PKIB: variants seen among roughly 807,000 people sequenced by gnomAD.
PKIB encodes the protein PKI-beta.
Under a neutral mutation model 4.5 loss-of-function variants are expected in PKIB, and 2 were observed. The observed-to-expected ratio is 0.44, with a 90% CI of 0.18 to 1.39. The LOEUF is 1.39. PKIB is among the 40% of genes most tolerant of loss of function. The probability of loss-of-function intolerance (pLI) is 0.27; values close to 1 mark genes in which losing one functional copy is unlikely to be tolerated. For synonymous variants in PKIB, 38 were observed against 36.0 expected, an observed-to-expected ratio of 1.06 and a Z score of -0.20; for missense variants, 94 against 92.6, an observed-to-expected ratio of 1.02 and a Z score of -0.06.
At chr6:122,633,492 C>T (rs191524324) in intron 2 of PKIB, 125 bp downstream of exon 2, 84 of 152,212 alleles carry the variant, frequency 5.5e-4, no homozygotes, top group Non-Finnish European at 9.1e-4. Flanking sequence ...GGGATATCTT[C>T]ATTTTAGAAA....
rs537637099 is a variant in PKIB, at chr6:122,725,789, T to C, written c.*594T>C. Reference sequence around the variant, plus strand: ...ATTTTTGTCTGACATATTTTGCTTCTAGTATGTGCCTACTGTGATTTTTTT... The same window carrying C: ...ATTTTTGTCTGACATATTTTGCTTCCAGTATGTGCCTACTGTGATTTTTTT... On this transcript the variant is annotated 3_prime_UTR_variant, in exon 5 of 5. Coordinates refer to ENST00000368452, the MANE Select transcript of PKIB (RefSeq NM_181795.3). The C allele has an allele frequency of 1.4e-5, 2 of 147,044 alleles. No homozygotes were observed. Among genetic ancestry groups the C allele is most frequent in the Admixed American group, 7.0e-5 (1 of 14,342 alleles). 9.1% of individuals were successfully genotyped at this position (147,044 alleles called of 1,614,324 possible).
upstream of PKIB, among the ~76,000 whole-genome samples, chr6:122,605,507 T>A (rs1159204349): frequency 6.6e-6 from 1 of 152,204 alleles, no homozygotes; most frequent in African/African-American, 2.4e-5. Flanking sequence ...AAGGTACGGC[T>A]TGAGAAACTA....
intron 2 of PKIB, among the ~76,000 whole-genome samples, chr6:122,497,834 C>G (rs1270839287): frequency 6.6e-6 from 1 of 152,108 alleles, no homozygotes; most frequent in East Asian, 1.9e-4. Flanking sequence ...AAAGTCTGGG[C>G]TTAAATTCAA....
chr6:122,698,655 C>T (rs966502779), intron 3 of PKIB, among the ~76,000 whole-genome samples: 3 of 152,314 alleles, frequency 2.0e-5, no homozygotes, highest in East Asian at 1.9e-4. Flanking sequence ...TCTGAGGGCA[C>T]TAACTGGAGT....
chr6:122,477,697 C>T (rs1439294807), intron 1 of PKIB, among the ~76,000 whole-genome samples: 1 of 152,120 alleles, frequency 6.6e-6, no homozygotes, highest in Non-Finnish European at 1.5e-5. Flanking sequence ...TGATCTCAAG[C>T]GACTTCAGAC....
chr6:122,664,557 G>T lies in PKIB; in HGVS notation c.-75-10521G>T, dbSNP rs1390439515. Among the ~76,000 whole-genome samples, 58 of 152,024 alleles carry T rather than the reference G, an allele frequency of 3.8e-4. 1 individual carries two copies. Among genetic ancestry groups the T allele is most frequent in the Admixed American group, 3.8e-3 (58 of 15,266 alleles). On this transcript the variant is annotated intron_variant, in intron 2 of 4. Coordinates refer to ENST00000368452, the MANE Select transcript of PKIB (RefSeq NM_181795.3). ...CTCCCAAGTAGCTGGGACTACAGGTGTGTGCCACCATGTCCAGCTAATTTT... is the reference window on the plus strand; with the variant it reads ...CTCCCAAGTAGCTGGGACTACAGGTTTGTGCCACCATGTCCAGCTAATTTT...
chr6:122,701,299 G>A (rs1385841224), intron 3 of PKIB: 6 of 651,988 alleles, frequency 9.2e-6, no homozygotes, highest in Non-Finnish European at 1.1e-5. Context: ...ACCATTACAA[G>A]CAATGTCTGT....
upstream of PKIB, among the ~76,000 whole-genome samples, chr6:122,607,748 A>C (rs975713510): frequency 6.6e-6 from 1 of 152,190 alleles, no homozygotes; most frequent in Non-Finnish European, 1.5e-5. Context: ...TTTGATATAG[A>C]CTGTTCATTG....
At chr6:122,719,339 A>AT (rs1244594540) in intron 4 of PKIB, among the ~76,000 whole-genome samples, 1 of 152,202 alleles carries the variant, frequency 6.6e-6, no homozygotes, top group African/African-American at 2.4e-5. Flanking sequence ...TCTTCATATC[A>AT]TTTTGAAATA....
intron 3 of PKIB, among the ~76,000 whole-genome samples, chr6:122,696,371 T>C (rs1180740574): frequency 6.6e-6 from 1 of 152,190 alleles, no homozygotes; most frequent in African/African-American, 2.4e-5. Context: ...TATTCAAGTC[T>C]CTGTGAAGGT....
chr6:122,669,861 T>C (rs1357058750), intron 2 of PKIB, among the ~76,000 whole-genome samples: 1 of 152,200 alleles, frequency 6.6e-6, no homozygotes, highest in Non-Finnish European at 1.5e-5. Context: ...ATTCTTTTTA[T>C]GTCCATATAT....
At chr6:122,489,951 G>A (rs748082683) in intron 2 of PKIB, among the ~76,000 whole-genome samples, 2 of 151,934 alleles carry the variant, frequency 1.3e-5, no homozygotes, top group Non-Finnish European at 2.9e-5. Flanking sequence ...TTATCACCAG[G>A]GATTCTTGTT....
chr6:122,651,203 T>C (rs1166553365), intron 2 of PKIB, among the ~76,000 whole-genome samples: 3 of 152,210 alleles, frequency 2.0e-5, no homozygotes, highest in African/African-American at 7.2e-5. Flanking sequence ...AAATGATTTA[T>C]GTGATTCAAG....
At chr6:122,519,746 A>G (rs141731398) in intron 2 of PKIB, among the ~76,000 whole-genome samples, 1 of 152,292 alleles carries the variant, frequency 6.6e-6, no homozygotes, top group Non-Finnish European at 1.5e-5. Flanking sequence ...GAATCTTTCT[A>G]TTAAAGACTC....
chr6:122,553,900 A>G (rs1256009161), intron 2 of PKIB, among the ~76,000 whole-genome samples: 1 of 152,220 alleles, frequency 6.6e-6, no homozygotes, highest in African/African-American at 2.4e-5. Context: ...AGCAGCTGTC[A>G]GGCCAGCTGG....
chr6:122,582,597 T>C (rs1004452530), intron 2 of PKIB, among the ~76,000 whole-genome samples: 2 of 152,116 alleles, frequency 1.3e-5, no homozygotes, highest in Non-Finnish European at 2.9e-5. Flanking sequence ...GCTAGACATA[T>C]AGATATGTAA....
At chr6:122,701,719 T>C (rs150944520) in intron 3 of PKIB, among the ~76,000 whole-genome samples, 1 of 152,324 alleles carries the variant, frequency 6.6e-6, no homozygotes, top group East Asian at 1.9e-4. Flanking sequence ...ATATGGTTCA[T>C]AACACCAGTG....
intron 3 of PKIB, among the ~76,000 whole-genome samples, chr6:122,589,059 C>G (rs1230536126): frequency 5.9e-5 from 9 of 152,050 alleles, no homozygotes; most frequent in Admixed American, 5.9e-4. Context: ...CTTCCTAGCA[C>G]AGGAATATCT....
intron 2 of PKIB, among the ~76,000 whole-genome samples, chr6:122,514,919 G>T (rs1404992130): frequency 6.6e-6 from 1 of 152,174 alleles, no homozygotes; most frequent in Non-Finnish European, 1.5e-5. Context: ...TTATATTTAG[G>T]CTTTGAGTGA....
Sources: allele counts gnomAD v4.1 joint callset (sites outside exome capture counted in the v4.1 genomes callset), GRCh38; gene constraint gnomAD v4.1.1; transcripts MANE v1.5; gene names NCBI Gene and HGNC (gene_info 2026-07-23, HGNC 2026-07-21).